Variants in SH3D19 observed in about 807,000 individuals in gnomAD.
SH3D19 encodes the protein SH3 domain-containing protein 19.
Under a neutral mutation model 112.1 loss-of-function variants are expected in SH3D19, and 58 were observed. The observed-to-expected ratio is 0.52, with a 90% CI of 0.42 to 0.64. The LOEUF is 0.64. Ranked by LOEUF, SH3D19 falls within the 30% of genes least tolerant of loss-of-function variation. The pLI, the probability that SH3D19 is intolerant of heterozygous loss-of-function variation, is 0.00. For missense variants in SH3D19, 1,090 were observed against 1,263.4 expected, an observed-to-expected ratio of 0.86 and a Z score of 2.08; for synonymous variants, 391 against 448.5, an observed-to-expected ratio of 0.87 and a Z score of 1.62.
At chr4:151,197,267 T>A (rs181637343) in intron 2 of SH3D19, among the ~76,000 whole-genome samples, 68 of 152,362 alleles carry the variant, frequency 4.5e-4, no homozygotes, top group African/African-American at 1.6e-3. Flanking sequence ...ATTCCGGGCA[T>A]TGTGCTGGGC....
At chr4:151,125,247 C>T (rs1360519963) in intron 19 of SH3D19, among the ~76,000 whole-genome samples, 2 of 152,002 alleles carry the variant, frequency 1.3e-5, no homozygotes, top group Non-Finnish European at 2.9e-5. Flanking sequence ...GCGGATGGAT[C>T]GCCTTGAGCT....
At chr4:151,283,034 G>C in intron 1 of SH3D19, 1 of 1,272,686 alleles carries the variant, frequency 7.9e-7, no homozygotes, top group Non-Finnish European at 1.1e-6. Context: ...TTCCCATTCA[G>C]AGACTTCTGC....
chr4:151,137,055 G>A (rs1752010668), intron 14 of SH3D19, among the ~76,000 whole-genome samples: 1 of 152,180 alleles, frequency 6.6e-6, no homozygotes, highest in Non-Finnish European at 1.5e-5. Context: ...TGATACAAAT[G>A]TGTGAGGGCA....
intron 8 of SH3D19, among the ~76,000 whole-genome samples, chr4:151,164,835 C>A (rs1408987250): frequency 6.6e-6 from 1 of 152,128 alleles, no homozygotes; most frequent in Non-Finnish European, 1.5e-5. Flanking sequence ...GCCTTGGCCT[C>A]CCAAAGTGCT....
chr4:151,153,528 T>G (rs1755485891), intron 9 of SH3D19, among the ~76,000 whole-genome samples: 1 of 152,196 alleles, frequency 6.6e-6, no homozygotes, highest in African/African-American at 2.4e-5. Context: ...AATACAGGCA[T>G]GAGCCACCGT....
At position 151,197,393 on chromosome 4, in the gene SH3D19, G is replaced by T. The variant is rs6821684; in HGVS notation, c.153-9930C>A. Reference sequence around the variant, plus strand: ...TACTTTGAATTCGTCAGAAGGGATAGTTGCACGGCATGGGTGTCTAATATC... The same window carrying T: ...TACTTTGAATTCGTCAGAAGGGATATTTGCACGGCATGGGTGTCTAATATC... On this transcript the variant is annotated intron_variant, in intron 2 of 19. Transcript: ENST00000604030. Among the ~76,000 whole-genome samples the T allele has an allele frequency of 3.4e-3, 521 of 152,354 alleles. 5 individuals carry two copies. Among genetic ancestry groups the T allele is most frequent in the African/African-American group, 0.012 (488 of 41,574 alleles).
At chr4:151,122,472 CCTAAT>C (rs1487498342) in intron 19 of SH3D19, among the ~76,000 whole-genome samples, 2 of 151,592 alleles carry the variant, frequency 1.3e-5, no homozygotes, top group African/African-American at 2.4e-5. Flanking sequence ...ATTCACCACT[CCTAAT>C]CTAAAATCCC....
intron 3 of SH3D19, among the ~76,000 whole-genome samples, chr4:151,181,202 C>A (rs923520463): frequency 8.5e-5 from 13 of 152,188 alleles, no homozygotes; most frequent in Non-Finnish European, 1.5e-4. Context: ...CAGTTGCTTT[C>A]ATATCTCAGT....
intron 1 of SH3D19, among the ~76,000 whole-genome samples, chr4:151,263,947 C>T (rs1772571935): frequency 6.6e-6 from 1 of 152,136 alleles, no homozygotes; most frequent in South Asian, 2.1e-4. Context: ...GCTGAGACCA[C>T]AGGTACACAC....
At chr4:151,317,711 C>A (rs1394242708) in intron 1 of SH3D19, among the ~76,000 whole-genome samples, 6 of 152,200 alleles carry the variant, frequency 3.9e-5, no homozygotes, top group Non-Finnish European at 5.9e-5. Context: ...CAGTGGCTCA[C>A]ACCTATAATC....
chr4:151,262,728 C>T (rs1306326401), intron 1 of SH3D19: 1 of 147,844 alleles, frequency 6.8e-6, no homozygotes, highest in African/African-American at 2.5e-5. Flanking sequence ...TAGATGAGAT[C>T]CCGTGATGTG....
intron 9 of SH3D19, among the ~76,000 whole-genome samples, chr4:151,154,925 T>G (rs758890822): frequency 5.9e-5 from 9 of 151,922 alleles, no homozygotes; most frequent in Non-Finnish European, 1.3e-4. Context: ...GCCTGGCTAA[T>G]TTTTGTATTT....
At chr4:151,258,863 T>C (rs1433811445) in intron 1 of SH3D19, among the ~76,000 whole-genome samples, 10 of 152,100 alleles carry the variant, frequency 6.6e-5, no homozygotes, top group Admixed American at 6.5e-4. Flanking sequence ...CAGGGAGTGC[T>C]GGCCCTCAGG....
intron 1 of SH3D19, among the ~76,000 whole-genome samples, chr4:151,231,709 A>G (rs1469743987): frequency 1.3e-5 from 2 of 152,236 alleles, no homozygotes; most frequent in African/African-American, 4.8e-5. Flanking sequence ...AGAGAAGTTT[A>G]CATGGCTGCT....
chr4:151,238,028 A>G (rs1295019634), intron 1 of SH3D19, among the ~76,000 whole-genome samples: 1 of 146,196 alleles, frequency 6.8e-6, no homozygotes, highest in Non-Finnish European at 1.5e-5. Context: ...AGAAGTAATA[A>G]ATAAGCCCTA....
chr4:151,265,456 T>C (rs565468407), intron 1 of SH3D19, among the ~76,000 whole-genome samples: 10 of 151,312 alleles, frequency 6.6e-5, no homozygotes, highest in African/African-American at 2.2e-4. Flanking sequence ...AATCACAAAA[T>C]ATAACAGTTG....
chr4:151,147,685 C>G (rs939439545), intron 11 of SH3D19, among the ~76,000 whole-genome samples: 1 of 152,146 alleles, frequency 6.6e-6, no homozygotes, highest in Non-Finnish European at 1.5e-5. Flanking sequence ...TGGTCTCAAA[C>G]TTTTGGCCTC....
At chr4:151,137,458 C>T (rs1752102577) in intron 14 of SH3D19, among the ~76,000 whole-genome samples, 1 of 152,160 alleles carries the variant, frequency 6.6e-6, no homozygotes, top group Admixed American at 6.5e-5. Context: ...AAGTGCTTAA[C>T]AACTCTCCAA....
At chr4:151,257,084 T>A (rs187857789) in intron 1 of SH3D19, among the ~76,000 whole-genome samples, 9 of 151,788 alleles carry the variant, frequency 5.9e-5, no homozygotes, top group Admixed American at 2.6e-4. Flanking sequence ...TATTTATTTG[T>A]TTGTTTGTTT....
Sources: allele counts gnomAD v4.1 joint callset (sites outside exome capture counted in the v4.1 genomes callset), GRCh38; gene constraint gnomAD v4.1.1; transcripts MANE v1.5; gene names NCBI Gene and HGNC (gene_info 2026-07-23, HGNC 2026-07-21).